ATRNL1: variants seen among roughly 807,000 people sequenced by gnomAD.
ATRNL1 encodes the protein attractin like 1.
A neutral mutation model predicts 182.7 loss-of-function variants in ATRNL1; 95 were observed. The observed-to-expected ratio is 0.52, with a 90% CI of 0.44 to 0.62. ATRNL1 has a LOEUF of 0.62. ATRNL1 is among the 20% of genes least tolerant of loss of function. ATRNL1 has a pLI of 0.00. For missense variants in ATRNL1, 1,471 were observed against 1,679.5 expected (o/e 0.88, Z 2.17); for synonymous variants, 576 against 568.3 (o/e 1.01, Z -0.19).
chr10:115,163,886 G>A (rs183393299), intron 6 of ATRNL1, among the ~76,000 whole-genome samples: 5 of 152,224 alleles, frequency 3.3e-5, no homozygotes, highest in Admixed American at 1.3e-4. Context: ...ATGTTTCCTC[G>A]TTTGTATCAT....
At chr10:115,325,064 C>T (rs748677704) in intron 18 of ATRNL1, among the ~76,000 whole-genome samples, 18 of 151,940 alleles carry the variant, frequency 1.2e-4, no homozygotes, top group Non-Finnish European at 1.8e-4. Context: ...TTAAATGTTG[C>T]GCATCTGTTG....
chr10:115,355,096 TTGTC>T (rs138502721), intron 19 of ATRNL1, among the ~76,000 whole-genome samples: 2,822 of 152,202 alleles, frequency 0.019, 97 homozygotes, highest in African/African-American at 0.065. Flanking sequence ...ATTGAATTCT[TTGTC>T]TGAGAATATA....
In ATRNL1 at chr10:115,632,079, A is replaced by G. The variant is rs375325289; in HGVS notation, c.3795+82543A>G. Among the ~76,000 whole-genome samples the G allele has an allele frequency of 2.6e-5, 4 of 152,160 alleles. No individual in the cohort carries two copies. The East Asian group carries it at 5.8e-4, about 22-fold the overall frequency. The stretch of plus-strand genomic sequence containing the variant: ...TAGTTATGCATCCTTGTACCTGTCT[A>G]AAATTCAGGATGTTTTATTACTAAA... On this transcript the variant is annotated intron_variant, in intron 26 of 28. Coordinates refer to ENST00000355044, the MANE Select transcript of ATRNL1 (RefSeq NM_207303.4).
At chr10:115,856,449 A>AAAAAAAAAAAC (rs1565439910) in intron 28 of ATRNL1, among the ~76,000 whole-genome samples, 2 of 147,964 alleles carry the variant, frequency 1.4e-5, no homozygotes, top group Admixed American at 6.8e-5. Flanking sequence ...AAAAAAAAAA[A>AAAAAAAAAAAC]AGCCATACAT....
At chr10:115,808,035 C>T (rs1365318876) in intron 27 of ATRNL1, among the ~76,000 whole-genome samples, 1 of 152,098 alleles carries the variant, frequency 6.6e-6, no homozygotes, top group Non-Finnish European at 1.5e-5. Flanking sequence ...AAGAGTACTA[C>T]CTTTTATCAT....
intron 27 of ATRNL1, among the ~76,000 whole-genome samples, chr10:115,802,014 A>G (rs1949804765): frequency 1.0e-5 from 1 of 95,444 alleles, no homozygotes; most frequent in South Asian, 3.5e-4. Flanking sequence ...GCCTTAAAAA[A>G]AAAAGAAACA....
intron 26 of ATRNL1, among the ~76,000 whole-genome samples, chr10:115,709,487 T>C (rs1478228818): frequency 6.6e-6 from 1 of 151,852 alleles, no homozygotes; most frequent in Non-Finnish European, 1.5e-5. Flanking sequence ...ATCTGAAGAG[T>C]AAAATCTTGT....
intron 27 of ATRNL1, among the ~76,000 whole-genome samples, chr10:115,842,170 T>G (rs1421528838): frequency 1.3e-5 from 2 of 152,122 alleles, no homozygotes; most frequent in African/African-American, 4.8e-5. Context: ...GAATTTATTC[T>G]GTTCTTGTCA....
rs554678353 is a variant in ATRNL1, at chr10:115,221,041, T to C, written c.1532+5161T>C. Among the ~76,000 whole-genome samples the C allele has an allele frequency of 2.0e-5, 3 of 152,302 alleles. No individual in the cohort carries two copies. The South Asian group carries it at 6.2e-4, about 32-fold the overall frequency. ...AGCTCCACCTCAGATCATCAAGCATTAGATTCTCATAGGGACATGCAACCT... is the reference window on the plus strand; with the variant it reads ...AGCTCCACCTCAGATCATCAAGCATCAGATTCTCATAGGGACATGCAACCT... On this transcript the variant is annotated intron_variant, in intron 9 of 28. Coordinates refer to ENST00000355044, the MANE Select transcript of ATRNL1 (RefSeq NM_207303.4).
At chr10:115,188,035 C>G (rs539073055) in intron 8 of ATRNL1, among the ~76,000 whole-genome samples, 1 of 92,366 alleles carries the variant, frequency 1.1e-5, no homozygotes, top group Non-Finnish European at 2.0e-5. Flanking sequence ...ATGTATACAA[C>G]TGGGAGAGAG....
chr10:115,522,454 T>A (rs1554985495), intron 25 of ATRNL1, among the ~76,000 whole-genome samples: 2 of 152,118 alleles, frequency 1.3e-5, no homozygotes, highest in African/African-American at 4.8e-5. Flanking sequence ...CACCACCAAG[T>A]CATTCACAGG....
intron 19 of ATRNL1, among the ~76,000 whole-genome samples, chr10:115,393,650 A>T (rs75916877): frequency 0.11 from 17,160 of 152,128 alleles, 1,251 homozygotes; most frequent in Non-Finnish European, 0.16. Context: ...GTAACCTGGA[A>T]ATACTGAAGG....
intron 18 of ATRNL1, among the ~76,000 whole-genome samples, chr10:115,318,068 TCAATA>T (rs1177255861): frequency 1.3e-5 from 2 of 152,132 alleles, no homozygotes; most frequent in African/African-American, 2.4e-5. Flanking sequence ...CTGTGTTCCA[TCAATA>T]CCTAGTTTAG....
chr10:115,914,653 A>G lies in ATRNL1; in HGVS notation c.4019-30005A>G, dbSNP rs564154703. Reference sequence around the variant, plus strand: ...CTGGACACCTACTTGGTACTTCCCCATGCTGAAGGCTACATCATAGTCATC... The same window carrying G: ...CTGGACACCTACTTGGTACTTCCCCGTGCTGAAGGCTACATCATAGTCATC... On this transcript the variant is annotated intron_variant, in intron 28 of 28. Transcript: ENST00000355044. Among the ~76,000 whole-genome samples, 41 of 152,312 alleles carry G rather than the reference A, an allele frequency of 2.7e-4. No homozygotes were observed. In the Middle Eastern group the frequency reaches 0.01, roughly 38 times the overall value.
At chr10:115,465,509 A>T (rs1227843800) in intron 22 of ATRNL1, among the ~76,000 whole-genome samples, 1 of 151,642 alleles carries the variant, frequency 6.6e-6, no homozygotes, top group Non-Finnish European at 1.5e-5. Context: ...TCTTAAAAGA[A>T]ATAGGAAAAT....
At position 115,171,229 on chromosome 10, in the gene ATRNL1, A is replaced by T; in HGVS notation, c.1285A>T (p.Ile429Phe). The change falls in exon 8 of 29, where the codon ATC (isoleucine) becomes TTC (phenylalanine). Residue 429 changes from isoleucine (I) to phenylalanine (F), a missense_variant. This residue lies in a region of ATRNL1 where 1,031 missense variants were observed against 1,156.0 expected (regional missense o/e 0.89). Transcript: ENST00000355044. The stretch of plus-strand genomic sequence containing the variant: ...GTTGGATAGTAGAGATGTTGTCATG[A>T]TCATAATATTTGGATATTCTGCAAT... ...MELDSRDVVMIIIFGYSAIYG... is the reference protein window; with the variant it reads ...MELDSRDVVMFIIFGYSAIYG... 6.2e-7 allele frequency: 1 copy of T among 1,610,252 alleles called. No homozygotes were observed. The highest frequency in any genetic ancestry group is 8.5e-7 in the Non-Finnish European group (1 of 1,177,450).
At position 115,389,536 on chromosome 10, in the gene ATRNL1, A is replaced by G. The variant is rs868992378; in HGVS notation, c.3176-5123A>G. Among the ~76,000 whole-genome samples the G allele has an allele frequency of 2.8e-4, 19 of 69,064 alleles. 1 individual carries two copies. Among genetic ancestry groups the G allele is most frequent in the African/African-American group, 1.1e-3 (13 of 11,730 alleles). 45.3% of individuals were successfully genotyped at this position (69,064 alleles called of 152,430 possible). ...AAAGCTGAATAGTATTCAAATGTGT[A>G]TGTGTATATATATATATATATATAT... On this transcript the variant is annotated intron_variant, in intron 19 of 28. Transcript: ENST00000355044.
chr10:115,940,672 ACTCT>A lies in ATRNL1; in HGVS notation c.4019-3963_4019-3960del, dbSNP rs144547639. 1.3e-3 allele frequency among the ~76,000 whole-genome samples: 165 copies of A among 128,910 alleles called. 3 individuals carry two copies. The highest frequency in any genetic ancestry group is 9.6e-3 in the South Asian group (41 of 4,256). The allele number at this position is 128,910 out of a possible 152,430, so 84.6% of individuals were successfully genotyped here. A position where few individuals can be genotyped will look rare whatever the true frequency, so the allele number is the denominator to read the frequency against. On this transcript the variant is annotated intron_variant, in intron 28 of 28. Coordinates refer to ENST00000355044, the MANE Select transcript of ATRNL1 (RefSeq NM_207303.4). ...GTGCTGAAAGGCAATGACAGAGATT[ACTCT>A]CTCTCTCTCTCTCTCTCTCTCTTCT... is the stretch of plus-strand genomic sequence containing the variant.
chr10:115,457,796 C>T (rs573444084), intron 21 of ATRNL1, among the ~76,000 whole-genome samples: 4 of 152,142 alleles, frequency 2.6e-5, no homozygotes, highest in South Asian at 2.1e-4. Context: ...GATCTCATCA[C>T]CTTTTACCTA....
Sources: gnomAD v4.1 joint callset for allele counts (sites outside exome capture counted in the v4.1 genomes callset) on GRCh38, gnomAD v4.1.1 for gene constraint, gnomAD v4.1.1 regional missense constraint, MANE v1.5 for transcripts, NCBI Gene and HGNC (gene_info 2026-07-23, HGNC 2026-07-21) for gene names.